MAP4K5: variants seen among roughly 807,000 people sequenced by gnomAD.
The protein encoded by MAP4K5 is MAPK/ERK kinase kinase kinase 5.
A neutral mutation model predicts 135.6 loss-of-function variants in MAP4K5; 82 were observed. The ratio of observed to expected loss-of-function variants is 0.60; its 90% CI spans 0.51 to 0.73. MAP4K5 has a LOEUF of 0.73. Ranked by LOEUF, MAP4K5 falls within the 30% of genes least tolerant of loss-of-function variation. MAP4K5 has a pLI of 0.00. For synonymous variants in MAP4K5, 347 were observed against 335.0 expected, an observed-to-expected ratio of 1.04 and a Z score of -0.39; for missense variants, 907 against 1,010.9, an observed-to-expected ratio of 0.90 and a Z score of 1.39.
chr14:50,476,392 TAAGAAA>T (rs1295185047), intron 6 of MAP4K5, 86 bp from the exon 7 acceptor site: 1 of 599,972 alleles, frequency 1.7e-6, no homozygotes, highest in African/African-American at 2.0e-5. Context: ...TCTTATTGAA[TAAGAAA>T]AACTAGAATG....
intron 5 of MAP4K5, 23 bp downstream of exon 5, chr14:50,485,555 A>T (rs1311005414): frequency 6.9e-7 from 1 of 1,446,744 alleles, no homozygotes; most frequent in Non-Finnish European, 9.4e-7. Flanking sequence ...TCTGTTTAAA[A>T]TGTAAAGTCA....
rs28757655 is a variant in MAP4K5, at chr14:50,428,624, A to G, written c.2326+38T>C. The G allele has an allele frequency of 3.2e-3, 3,488 of 1,080,430 alleles. 84 individuals carry two copies. In the African/African-American group the frequency reaches 0.05, roughly 16 times the overall value. The allele number at this position is 1,080,430 out of a possible 1,614,324, so 66.9% of individuals were successfully genotyped here. A position where few individuals can be genotyped will look rare whatever the true frequency, so the allele number is the denominator to read the frequency against. On this transcript the variant is annotated intron_variant, in intron 30 of 32. Transcript: ENST00000682126. ...ACAGAATGAATTTTAATAATCATTA[A>G]GTATCGCAAACTGATTTATGAAAAA...
intron 9 of MAP4K5, among the ~76,000 whole-genome samples, chr14:50,469,007 T>C (rs184590284): frequency 7.5e-4 from 115 of 152,326 alleles, no homozygotes; most frequent in Non-Finnish European, 1.4e-3. Flanking sequence ...GTTTATGCTC[T>C]AAGGAAAAAT....
At chr14:50,427,641 T>C (rs1258325843) in intron 30 of MAP4K5, among the ~76,000 whole-genome samples, 2 of 152,234 alleles carry the variant, frequency 1.3e-5, no homozygotes, top group Non-Finnish European at 2.9e-5. Context: ...GGTAGAATCA[T>C]ATCATGAAAT....
intron 2 of MAP4K5, among the ~76,000 whole-genome samples, chr14:50,526,541 C>A (rs757344402): frequency 5.9e-5 from 9 of 152,190 alleles, no homozygotes; most frequent in Non-Finnish European, 1.2e-4. Flanking sequence ...GGTGATCCAC[C>A]AGCCTTGGCC....
intron 32 of MAP4K5, among the ~76,000 whole-genome samples, chr14:50,420,619 G>C (rs1158014658): frequency 6.6e-6 from 1 of 152,044 alleles, no homozygotes; most frequent in African/African-American, 2.4e-5. Flanking sequence ...GTGAGAGAGT[G>C]AGACCCCTTC....
intron 10 of MAP4K5, 31 bp downstream of exon 10, chr14:50,468,620 A>G (rs1195671850): frequency 6.8e-6 from 11 of 1,608,004 alleles, no homozygotes; most frequent in Non-Finnish European, 9.4e-6. Flanking sequence ...GACTTGATCA[A>G]TAACTGGATA....
At chr14:50,548,738 C>T (rs200600079) in intron 1 of MAP4K5, among the ~76,000 whole-genome samples, 2 of 152,056 alleles carry the variant, frequency 1.3e-5, no homozygotes, top group African/African-American at 4.8e-5. Context: ...TCTCGATCTC[C>T]TGACCTTGTG....
At chr14:50,553,609 C>T (rs191756671) in intron 1 of MAP4K5, among the ~76,000 whole-genome samples, 57 of 152,040 alleles carry the variant, frequency 3.7e-4, no homozygotes, top group Non-Finnish European at 2.1e-4. Context: ...GGGTGTTTAC[C>T]CAAAGGAAAA....
rs181010105 is a variant in MAP4K5, at chr14:50,426,081, G to A, written c.2327-104C>T. On this transcript the variant is annotated intron_variant, in intron 30 of 32. Coordinates refer to ENST00000682126, the MANE Select transcript of MAP4K5 (RefSeq NM_006575.6). ...TAATATAAGCCTATTCAAGTGTCTAGTGCAAAATTCCACTGTCTAGACCAC... is the reference window on the plus strand; with the variant it reads ...TAATATAAGCCTATTCAAGTGTCTAATGCAAAATTCCACTGTCTAGACCAC... 7.7e-5 allele frequency: 53 copies of A among 687,248 alleles called. No homozygotes were observed. In the East Asian group the frequency reaches 1.1e-3, roughly 14 times the overall value. The allele number at this position is 687,248 out of a possible 1,614,324, so 42.6% of individuals were successfully genotyped here. A position where few individuals can be genotyped will look rare whatever the true frequency, so the allele number is the denominator to read the frequency against.
At chr14:50,497,734 T>C (rs928829079) in intron 3 of MAP4K5, among the ~76,000 whole-genome samples, 2 of 152,226 alleles carry the variant, frequency 1.3e-5, no homozygotes, top group African/African-American at 2.4e-5. Flanking sequence ...ATTTAAAGAT[T>C]CCTATTTATT....
rs71441284 is a variant in MAP4K5 at position 50,490,159 on chromosome 14, G to GTGTGTGTGTA, written c.167-3966_167-3965insTACACACACA. On this transcript the variant is annotated intron_variant, in intron 3 of 32. Coordinates refer to ENST00000682126, the MANE Select transcript of MAP4K5 (RefSeq NM_006575.6). ...TGTGTGTGTGTGTGTGTGTGTGTGT[G>GTGTGTGTGTA]TAAGGGAACTCAGCCTGATACTCTT... Among the ~76,000 whole-genome samples, 150 of 138,004 alleles carry GTGTGTGTGTA rather than the reference G, an allele frequency of 1.1e-3. 1 individual carries two copies. The highest frequency in any genetic ancestry group is 3.5e-3 in the Middle Eastern group (1 of 286). The allele number at this position is 138,004 out of a possible 152,430, so 90.5% of individuals were successfully genotyped here.
chr14:50,523,697 G>A (rs2038199553), intron 2 of MAP4K5, among the ~76,000 whole-genome samples: 1 of 152,040 alleles, frequency 6.6e-6, no homozygotes, highest in Admixed American at 6.6e-5. Flanking sequence ...TATACAATGT[G>A]TTTATTATGT....
At chr14:50,519,268 G>A (rs950114606) in intron 2 of MAP4K5, among the ~76,000 whole-genome samples, 51 of 151,844 alleles carry the variant, frequency 3.4e-4, no homozygotes, top group Non-Finnish European at 5.7e-4. Flanking sequence ...TGATTTATAC[G>A]TATGTCCTTA....
chr14:50,475,270 A>G (rs1243048589), intron 8 of MAP4K5, 121 bp from the exon 9 acceptor site: 2 of 712,546 alleles, frequency 2.8e-6, no homozygotes, highest in East Asian at 5.4e-5. Context: ...AAATGCGCAT[A>G]AATTGAATAC....
intron 2 of MAP4K5, among the ~76,000 whole-genome samples, chr14:50,523,612 A>T (rs936114022): frequency 6.6e-6 from 1 of 152,146 alleles, no homozygotes; most frequent in Non-Finnish European, 1.5e-5. Context: ...TCTTCACTCC[A>T]TTCAGGCATT....
At position 50,475,416 on chromosome 14, in the gene MAP4K5, G is replaced by A. The variant is rs529491255; in HGVS notation, c.470-267C>T. Among the ~76,000 whole-genome samples the A allele has an allele frequency of 1.3e-4, 19 of 149,924 alleles. No individual in the cohort carries two copies. In the East Asian group the frequency reaches 3.5e-3, roughly 28 times the overall value. The stretch of plus-strand genomic sequence containing the variant: ...TATATACACAATGAAGTTAATTTGG[G>A]AAAAAGAGAAAAAAAAAAGCACAAA... On this transcript the variant is annotated intron_variant, in intron 8 of 32. Transcript: ENST00000682126.
At chr14:50,436,443 C>T (rs1361765980) in intron 26 of MAP4K5, among the ~76,000 whole-genome samples, 1 of 151,852 alleles carries the variant, frequency 6.6e-6, no homozygotes, top group Non-Finnish European at 1.5e-5. Context: ...GCTGGTCATG[C>T]CAGAAATACA....
Position 50,476,129 on chromosome 14 carries a change from TA to T in MAP4K5, c.467del (p.Leu156Ter). ...ILLTDHGDVK[L>X]ADFGVAAKIT... ...TTTTAGGAATTTGAAATAACATACC[TA>T]ATTTTACATCGCCATGGTCTGTCAA... On this transcript the variant is annotated frameshift_variant and splice_region_variant, in exon 8 of 33. Transcript: ENST00000682126. LOFTEE classifies it high-confidence loss of function. The T allele has an allele frequency of 6.8e-7, 1 of 1,477,642 alleles. No homozygotes were observed. The highest frequency in any genetic ancestry group is 9.0e-7 in the Non-Finnish European group (1 of 1,106,358). 91.5% of individuals were successfully genotyped at this position (1,477,642 alleles called of 1,614,324 possible). A position where few individuals can be genotyped will look rare whatever the true frequency, so the allele number is the denominator to read the frequency against.
Sources: gnomAD v4.1 joint callset for allele counts (sites outside exome capture counted in the v4.1 genomes callset) on GRCh38, gnomAD v4.1.1 for gene constraint, MANE v1.5 for transcripts, NCBI Gene and HGNC (gene_info 2026-07-23, HGNC 2026-07-21) for gene names.